Variants in CMTM2 observed in about 807,000 individuals in gnomAD.
The protein encoded by CMTM2 is CKLF-like MARVEL transmembrane domain-containing protein 2.
A neutral mutation model predicts 16.8 loss-of-function variants in CMTM2; 15 were observed. The observed-to-expected ratio is 0.89, with a 90% CI of 0.60 to 1.37. The LOEUF is 1.37. Among genes scored for constraint, CMTM2 ranks in the 40% most tolerant of loss-of-function variants. The pLI is 0.00. For synonymous variants in CMTM2, 117 were observed against 118.7 expected (o/e 0.99, Z 0.09); for missense variants, 282 against 318.0 (o/e 0.89, Z 0.86).
intron 2 of CMTM2, 174 bp from the exon 3 acceptor site, chr16:66,586,823 C>A (rs1176233473): frequency 2.4e-5 from 14 of 585,120 alleles, no homozygotes; most frequent in Non-Finnish European, 4.0e-5. Flanking sequence ...AAAAGCCCAG[C>A]TGGAGGGCCA....
chr16:66,587,307 G>T (rs1330557940), intron 3 of CMTM2, among the ~76,000 whole-genome samples: 1 of 152,154 alleles, frequency 6.6e-6, no homozygotes, highest in East Asian at 1.9e-4. Context: ...GATCACCTGA[G>T]GTCAGGAGTT....
rs1164708945 is a variant in CMTM2, at chr16:66,579,509, G to A, written c.-99G>A. ...GCTGAGCACGCCCTCTGAGCCGCTCGGTGGACACCAGGCACTCTAGTAGGC... is the reference window on the plus strand; with the variant it reads ...GCTGAGCACGCCCTCTGAGCCGCTCAGTGGACACCAGGCACTCTAGTAGGC... On this transcript the variant is annotated 5_prime_UTR_variant, in exon 1 of 4. Transcript: ENST00000268595. This position sits in a 1 kb window ranked among gnomAD's most constrained non-coding sequence, Gnocchi z 6.5. The A allele has an allele frequency of 1.4e-6, 2 of 1,476,600 alleles. No individual in the cohort carries two copies. Among genetic ancestry groups the A allele is most frequent in the Non-Finnish European group, 1.8e-6 (2 of 1,090,666 alleles). 91.5% of individuals were successfully genotyped at this position (1,476,600 alleles called of 1,614,324 possible).
chr16:66,587,047 C>T lies in CMTM2; in HGVS notation c.495C>T (p.Val165=), dbSNP rs769502816. 5.7e-5 allele frequency: 92 copies of T among 1,614,128 alleles called. No homozygotes were observed. The East Asian group carries it at 1.8e-3, about 32-fold the overall frequency. The change falls in exon 3 of 4, where the codon GTC becomes GTT. Residue 165 remains valine (V), a synonymous_variant. Transcript: ENST00000268595. Reference sequence around the variant, plus strand: ...GTGCGTTCCTTGTGGGAGCCGTGGTCTTTGCTGTGAGAAGTCGGCGATCCA... The same window carrying T: ...GTGCGTTCCTTGTGGGAGCCGTGGTTTTTGCTGTGAGAAGTCGGCGATCCA... ...IACAFLVGAV[V]FAVRSRRSMN...
At chr16:66,580,386 A>G (rs778410396) in intron 2 of CMTM2, 149 of 596,996 alleles carry the variant, frequency 2.5e-4, no homozygotes, top group Non-Finnish European at 4.1e-4. Context: ...CAAAAAGCCT[A>G]TCTGTGTGTT....
rs760310900 is a variant in CMTM2 at position 66,580,107 on chromosome 16, T to A, written c.367T>A (p.Ser123Thr). 1.2e-6 allele frequency: 2 copies of A among 1,614,208 alleles called. No homozygotes were observed. The highest frequency in any genetic ancestry group is 1.7e-6 in the Non-Finnish European group (2 of 1,180,022). The change falls in exon 2 of 4, where the codon TCC (serine) becomes ACC (threonine). Residue 123 changes from serine to threonine, a missense_variant. Coordinates refer to ENST00000268595, the MANE Select transcript of CMTM2 (RefSeq NM_144673.3). ...ILRLIITMEI[S>T]FFSFFILLYS... ...GAGGCTTATCATCACCATGGAGATA[T>A]CCTTCTTCAGCTTCTTCATCTTACT...
intron 2 of CMTM2, among the ~76,000 whole-genome samples, chr16:66,583,280 C>G (rs556710099): frequency 6.6e-6 from 1 of 152,114 alleles, no homozygotes; most frequent in African/African-American, 2.4e-5. Flanking sequence ...CCACTTGAGG[C>G]CAGGAGTTCC....
At chr16:66,587,155 TG>T in intron 3 of CMTM2, 57 bp downstream of exon 3, 3 of 1,317,528 alleles carry the variant, frequency 2.3e-6, no homozygotes, top group Non-Finnish European at 3.3e-6. Context: ...TTTTGGAGGA[TG>T]GGTGTTGTCC....
intron 2 of CMTM2, among the ~76,000 whole-genome samples, chr16:66,585,967 A>G (rs530376401): frequency 3.6e-4 from 55 of 152,310 alleles, no homozygotes; most frequent in African/African-American, 1.3e-3. Flanking sequence ...TAGGCCCAGG[A>G]GAAATGCGGG....
chr16:66,588,220 T>A lies in CMTM2; in HGVS notation c.*101T>A, dbSNP rs1464494842. ...TTTCTGGAATGGTTTTCTTTTCCATTTTCATTACCACCTTTGCTTGGAAAA... is the reference window on the plus strand; with the variant it reads ...TTTCTGGAATGGTTTTCTTTTCCATATTCATTACCACCTTTGCTTGGAAAA... On this transcript the variant is annotated 3_prime_UTR_variant, in exon 4 of 4. Transcript: ENST00000268595. 9.6e-6 allele frequency: 10 copies of A among 1,044,198 alleles called. No homozygotes were observed. Among genetic ancestry groups the A allele is most frequent in the Non-Finnish European group, 1.4e-5 (10 of 710,540 alleles). The allele number at this position is 1,044,198 out of a possible 1,614,324, so 64.7% of individuals were successfully genotyped here. A position where few individuals can be genotyped will look rare whatever the true frequency, so the allele number is the denominator to read the frequency against.
At chr16:66,586,404 G>A (rs764526123) in intron 2 of CMTM2, among the ~76,000 whole-genome samples, 14 of 152,140 alleles carry the variant, frequency 9.2e-5, no homozygotes, top group Non-Finnish European at 1.8e-4. Context: ...TTGGGAGGCC[G>A]AGGAAGGCAG....
At chr16:66,581,067 C>G (rs1293907092) in intron 2 of CMTM2, among the ~76,000 whole-genome samples, 1 of 152,100 alleles carries the variant, frequency 6.6e-6, no homozygotes. Context: ...CCCCAGGTCA[C>G]TCAGCTGGTA....
intron 2 of CMTM2, among the ~76,000 whole-genome samples, chr16:66,583,630 A>T (rs2014759699): frequency 6.6e-6 from 1 of 152,240 alleles, no homozygotes; most frequent in African/African-American, 2.4e-5. Context: ...TCAAAGGAAA[A>T]TGTAAATAGA....
chr16:66,580,234 G>A, intron 2 of CMTM2, 50 bp downstream of exon 2: 1 of 1,598,940 alleles, frequency 6.3e-7, no homozygotes, highest in East Asian at 2.2e-5. Flanking sequence ...CTGATCAGGT[G>A]TGTCTTGGCA....
chr16:66,586,227 A>C (rs1052918367), intron 2 of CMTM2, among the ~76,000 whole-genome samples: 1 of 152,172 alleles, frequency 6.6e-6, no homozygotes, highest in African/African-American at 2.4e-5. Flanking sequence ...GCTAGAGTCC[A>C]TCAGAGCCAG....
intron 3 of CMTM2, 25 bp from the exon 4 acceptor site, chr16:66,587,894 T>G: frequency 6.2e-7 from 1 of 1,612,256 alleles, no homozygotes. Flanking sequence ...AAAGCAAAAG[T>G]CATGAGGACC....
Position 66,580,057 on chromosome 16 carries a change from C to T in CMTM2, c.317C>T (p.Ser106Phe). Residue 106 changes from serine (S) to phenylalanine (F), a missense_variant, in exon 2 of 4, where the codon TCC (serine) becomes TTC (phenylalanine). Physicochemically the swap from Ser to Phe is radical, Grantham distance 155. Coordinates refer to ENST00000268595, the MANE Select transcript of CMTM2 (RefSeq NM_144673.3). ...CTAATAGCTGCAATGATACTGTTGT[C>T]CTCACTCACCGTGCACCCCATCTTG... ...GCLIAAMILLSSLTVHPILRL... is the reference protein window; with the variant it reads ...GCLIAAMILLFSLTVHPILRL... 6.2e-7 allele frequency: 1 copy of T among 1,614,162 alleles called. No homozygotes were observed. The highest frequency in any genetic ancestry group is 1.1e-5 in the South Asian group (1 of 91,078).
At position 66,579,932 on chromosome 16, in the gene CMTM2, G is replaced by A. The variant is rs778900087; in HGVS notation, c.285+40G>A. The A allele has an allele frequency of 5.6e-6, 9 of 1,603,626 alleles. No homozygotes were observed. Among genetic ancestry groups the A allele is most frequent in the African/African-American group, 1.3e-5 (1 of 74,742 alleles). On this transcript the variant is annotated intron_variant, in intron 1 of 3. Coordinates refer to ENST00000268595, the MANE Select transcript of CMTM2 (RefSeq NM_144673.3). The surrounding 1 kb of genome is among the most constrained non-coding windows in gnomAD (Gnocchi z 6.5). Reference sequence around the variant, plus strand: ...TATCCCTGGGTGGGGGGCCTTGGCCGAGGGTGGGGGGAAGGAGGAGTAGGC... The same window carrying A: ...TATCCCTGGGTGGGGGGCCTTGGCCAAGGGTGGGGGGAAGGAGGAGTAGGC...
chr16:66,587,245 G>C, intron 3 of CMTM2, 147 bp downstream of exon 3: 1 of 683,366 alleles, frequency 1.5e-6, no homozygotes, highest in Non-Finnish European at 2.5e-6. Flanking sequence ...AGTAGGCCGG[G>C]TGCAGTGGTT....
chr16:66,587,567 A>G (rs1415717440), intron 3 of CMTM2, among the ~76,000 whole-genome samples: 2 of 152,126 alleles, frequency 1.3e-5, no homozygotes, highest in African/African-American at 2.4e-5. Context: ...AAAGGAAAAA[A>G]AAAAAAAGTA....
Sources: gnomAD v4.1 joint callset for allele counts (sites outside exome capture counted in the v4.1 genomes callset) on GRCh38, gnomAD v4.1.1 for gene constraint, Gnocchi (gnomAD v3.1) non-coding constraint, MANE v1.5 for transcripts, NCBI Gene and HGNC (gene_info 2026-07-23, HGNC 2026-07-21) for gene names.